PDE4B: variants seen among roughly 807,000 people sequenced by gnomAD.
PDE4B encodes 3',5'-cyclic-AMP phosphodiesterase 4B.
In PDE4B, 20 loss-of-function variants were observed where a neutral mutation model predicts 82.2. The ratio of observed to expected loss-of-function variants is 0.24; its 90% confidence interval spans 0.17 to 0.35. The LOEUF (loss-of-function observed/expected upper bound fraction) is 0.35, where lower values mean the gene tolerates loss of function less well. Ranked by LOEUF, PDE4B falls within the 10% of genes least tolerant of loss-of-function variation. The pLI, the probability that PDE4B is intolerant of heterozygous loss-of-function variation, is 1.00. For missense variants in PDE4B, 655 were observed against 907.2 expected (o/e 0.72, Z 3.57); for synonymous variants, 320 against 318.9 (o/e 1.00, Z -0.04).
intron 1 of PDE4B, among the ~76,000 whole-genome samples, chr1:65,872,679 G>T (rs1199589304): frequency 2.0e-5 from 3 of 152,154 alleles, no homozygotes; most frequent in East Asian, 1.9e-4. Flanking sequence ...TCCTCAGTCA[G>T]CATGCTTCAT....
At chr1:66,242,010 T>C (rs1652930285) in intron 3 of PDE4B, among the ~76,000 whole-genome samples, 1 of 152,214 alleles carries the variant, frequency 6.6e-6, no homozygotes, top group South Asian at 2.1e-4. Flanking sequence ...GCCCTGGGAC[T>C]ACAAAACTAA....
At chr1:65,986,868 A>T (rs930762677) in intron 3 of PDE4B, among the ~76,000 whole-genome samples, 37 of 152,178 alleles carry the variant, frequency 2.4e-4, no homozygotes, top group African/African-American at 8.7e-4. Flanking sequence ...GTAGGTTTAA[A>T]CAGGGTGATT....
intron 3 of PDE4B, among the ~76,000 whole-genome samples, chr1:65,975,215 G>A: frequency 6.6e-6 from 1 of 152,198 alleles, no homozygotes; most frequent in East Asian, 1.9e-4. Context: ...CTATGTTTTA[G>A]CAAAGAGACT....
At chr1:66,048,634 C>T (rs892967428) in intron 3 of PDE4B, among the ~76,000 whole-genome samples, 2 of 151,878 alleles carry the variant, frequency 1.3e-5, no homozygotes, top group Non-Finnish European at 2.9e-5. Context: ...GTTGTGGATG[C>T]TGGGGCCAAG....
intron 3 of PDE4B, among the ~76,000 whole-genome samples, chr1:66,190,832 T>C (rs534704993): frequency 6.6e-6 from 1 of 152,156 alleles, no homozygotes; most frequent in East Asian, 1.9e-4. Flanking sequence ...CTCGGTGTGC[T>C]GCACGTGCTG....
intron 3 of PDE4B, among the ~76,000 whole-genome samples, chr1:66,217,200 A>T (rs1209411988): frequency 1.3e-5 from 2 of 152,066 alleles, no homozygotes; most frequent in African/African-American, 2.4e-5. Flanking sequence ...TATTATACTT[A>T]GTCATTGTGT....
intron 3 of PDE4B, among the ~76,000 whole-genome samples, chr1:66,187,454 A>G (rs1239639423): frequency 5.3e-5 from 8 of 152,130 alleles, no homozygotes; most frequent in Non-Finnish European, 1.0e-4. Flanking sequence ...CTGTGAATCC[A>G]TCTGGTCCTG....
At chr1:65,935,022 A>C (rs573899428) in intron 3 of PDE4B, among the ~76,000 whole-genome samples, 2 of 152,346 alleles carry the variant, frequency 1.3e-5, no homozygotes, top group East Asian at 3.9e-4. Flanking sequence ...CCTAACATAC[A>C]TATATAAAAT....
At position 66,165,790 on chromosome 1, in the gene PDE4B, C is replaced by G. The variant is rs144568151; in HGVS notation, c.282-81670C>G. 8.4e-3 allele frequency among the ~76,000 whole-genome samples: 1,277 copies of G among 152,128 alleles called. 30 individuals are homozygous for G. The highest frequency in any genetic ancestry group is 0.029 in the African/African-American group (1,200 of 41,520). Reference sequence around the variant, plus strand: ...TCCTATGTTAGTGGATTGGAAGACTCAAATTTTAAGATGGTATTACTCCCC... The same window carrying G: ...TCCTATGTTAGTGGATTGGAAGACTGAAATTTTAAGATGGTATTACTCCCC... On this transcript the variant is annotated intron_variant, in intron 3 of 16. Transcript: ENST00000341517.
chr1:66,361,541 A>T, intron 9 of PDE4B, 74 bp from the exon 10 acceptor site: 2 of 1,126,098 alleles, frequency 1.8e-6, no homozygotes, highest in African/African-American at 1.6e-5. Flanking sequence ...ATAGATGGTT[A>T]GAGTTGTTTT....
intron 8 of PDE4B, among the ~76,000 whole-genome samples, chr1:66,337,941 A>C (rs1482128514): frequency 2.6e-5 from 4 of 152,244 alleles, no homozygotes; most frequent in Non-Finnish European, 5.9e-5. Flanking sequence ...TTACTTAGGT[A>C]TAGTAATATA....
At chr1:65,948,356 T>C (rs6690101) in intron 3 of PDE4B, among the ~76,000 whole-genome samples, 62,051 of 151,604 alleles carry the variant, frequency 0.41, 14,707 homozygotes, top group Non-Finnish European at 0.54. Context: ...ACTTACATGA[T>C]CACAAGGTCC....
At chr1:66,166,191 T>C (rs983252154) in intron 3 of PDE4B, among the ~76,000 whole-genome samples, 18 of 152,156 alleles carry the variant, frequency 1.2e-4, no homozygotes, top group African/African-American at 4.1e-4. Context: ...GATATCCACA[T>C]GCAAAAGAAT....
intron 3 of PDE4B, among the ~76,000 whole-genome samples, chr1:66,214,166 T>C (rs568564410): frequency 6.6e-6 from 1 of 152,320 alleles, no homozygotes; most frequent in South Asian, 2.1e-4. Flanking sequence ...TGAATCTTGG[T>C]TCTTGAAATG....
At position 66,332,538 on chromosome 1, in the gene PDE4B, C is replaced by T. The variant is rs1162323511; in HGVS notation, c.665C>T (p.Thr222Met). Residue 222 changes from threonine to methionine, a missense_variant, in exon 8 of 17, where the codon ACG becomes ATG. Physicochemically the swap from Thr to Met is moderately conservative, Grantham distance 81. Transcript: ENST00000341517. ...EESYQKLAME[T>M]LEELDWCLDQ... ...TCTTATCAAAAATTAGCAATGGAAA[C>T]GCTGGAGGAATTAGACTGGTGTTTA... 5 of 1,613,956 alleles carry T rather than the reference C, an allele frequency of 3.1e-6. No homozygotes were observed. The African/African-American group carries it at 4.0e-5, about 13-fold the overall frequency.
At chr1:65,852,178 G>A (rs1328764058) in intron 1 of PDE4B, among the ~76,000 whole-genome samples, 1 of 151,742 alleles carries the variant, frequency 6.6e-6, no homozygotes, top group East Asian at 1.9e-4. Flanking sequence ...TAGTTTTATT[G>A]GTTTAATTTG....
At chr1:66,230,492 G>A (rs778003876) in intron 3 of PDE4B, among the ~76,000 whole-genome samples, 3 of 152,118 alleles carry the variant, frequency 2.0e-5, no homozygotes, top group African/African-American at 7.2e-5. Flanking sequence ...TTTAAAAATT[G>A]CCTTGAATGC....
At chr1:66,229,626 C>G (rs1157070623) in intron 3 of PDE4B, among the ~76,000 whole-genome samples, 3 of 152,140 alleles carry the variant, frequency 2.0e-5, no homozygotes, top group African/African-American at 7.2e-5. Context: ...TATGTGATAT[C>G]TACAGATTTT....
intron 3 of PDE4B, among the ~76,000 whole-genome samples, chr1:65,999,922 C>A (rs1462023652): frequency 1.3e-5 from 2 of 152,136 alleles, no homozygotes; most frequent in Non-Finnish European, 2.9e-5. Context: ...CATTCTTCTC[C>A]AATCATCTCT....
Sources: allele counts gnomAD v4.1 joint callset (sites outside exome capture counted in the v4.1 genomes callset), GRCh38; gene constraint gnomAD v4.1.1; transcripts MANE v1.5; gene names NCBI Gene and HGNC (gene_info 2026-07-23, HGNC 2026-07-21).